Variants in GLIS3 observed in about 807,000 individuals in gnomAD.
GLIS3 encodes zinc finger protein GLIS3.
Under a neutral mutation model 78.6 loss-of-function variants are expected in GLIS3, and 53 were observed. That is an observed-to-expected ratio of 0.67 (90% confidence interval 0.54 to 0.85). The LOEUF is 0.85. Ranked by LOEUF, GLIS3 falls within the 40% of genes least tolerant of loss-of-function variation. The probability of loss-of-function intolerance (pLI) is 0.00; values close to 1 mark genes in which losing one functional copy is unlikely to be tolerated. For synonymous variants in GLIS3, 684 were observed against 509.9 expected (o/e 1.34, Z -4.60); for missense variants, 1,703 against 1,231.1 (o/e 1.38, Z -5.74).
chr9:4,177,613 C>T (rs879634133), intron 2 of GLIS3, among the ~76,000 whole-genome samples: 1 of 152,166 alleles, frequency 6.6e-6, no homozygotes, highest in Non-Finnish European at 1.5e-5. Context: ...TTGTTGATTT[C>T]TAAGATCTAT....
intron 4 of GLIS3, among the ~76,000 whole-genome samples, chr9:4,070,462 C>G (rs2130629545): frequency 6.6e-6 from 1 of 152,196 alleles, no homozygotes; most frequent in African/African-American, 2.4e-5. Context: ...AAAGTCTCCA[C>G]AGGAAGTGGT....
At chr9:4,246,997 T>C (rs1018427831) in intron 2 of GLIS3, among the ~76,000 whole-genome samples, 2 of 152,218 alleles carry the variant, frequency 1.3e-5, no homozygotes, top group African/African-American at 2.4e-5. Context: ...GAAAAGTGGT[T>C]GAATTGTCTG....
At position 4,118,313 on chromosome 9, in the gene GLIS3, C is replaced by T; in HGVS notation, c.1165G>A (p.Ala389Thr). The change falls in exon 4 of 11, where the codon GCC (alanine) becomes ACC (threonine). Residue 389 changes from alanine (A) to threonine (T), a missense_variant. Ala to Thr is a moderately conservative substitution (Grantham distance 58, BLOSUM62 0). Coordinates refer to ENST00000381971, the MANE Select transcript of GLIS3 (RefSeq NM_001042413.2). The surrounding 1 kb of genome is among the most constrained non-coding windows in gnomAD (Gnocchi z 4.7). ...TGTTGCATGCGCTCGTGCTCCAGGG[C>T]CCCGTCCTCGCCGTAGGCCGGCAGC... ...LALPAYGEDG[A>T]LEHERMQQLE... is the part of the protein sequence containing the mutation. The T allele has an allele frequency of 3.2e-6, 5 of 1,574,594 alleles. No individual in the cohort carries two copies. Among genetic ancestry groups the T allele is most frequent in the Non-Finnish European group, 4.3e-6 (5 of 1,162,696 alleles).
rs200422063 is a variant in GLIS3, at chr9:4,240,516, CA to C, written c.388+45521del. Among the ~76,000 whole-genome samples, 41 of 149,152 alleles carry C rather than the reference CA, an allele frequency of 2.7e-4. No individual in the cohort carries two copies. In the East Asian group the frequency reaches 6.2e-3, roughly 23 times the overall value. ...CGGTCCATTCCTGAGATTTTCTCTC[CA>C]AAAAAAAACTAGTAAAAATTATAAA... is the stretch of plus-strand genomic sequence containing the variant. On this transcript the variant is annotated intron_variant, in intron 2 of 10. Transcript: ENST00000381971.
At chr9:4,350,952 T>A (rs903686812), upstream of GLIS3, among the ~76,000 whole-genome samples, 4 of 152,230 alleles carry the variant, frequency 2.6e-5, no homozygotes, top group East Asian at 7.7e-4. Context: ...AAACCATTTG[T>A]GGCTCTTCTA....
At chr9:4,403,513 G>C in the GLIS3 span, among the ~76,000 whole-genome samples, 1 of 152,100 alleles carries the variant, frequency 6.6e-6, no homozygotes, top group African/African-American at 2.4e-5. Flanking sequence ...AACTTTTCAA[G>C]ACATAGACAG....
At chr9:4,077,068 T>C (rs1828134884) in intron 4 of GLIS3, among the ~76,000 whole-genome samples, 3 of 150,072 alleles carry the variant, frequency 2.0e-5, no homozygotes, top group Non-Finnish European at 4.4e-5. Context: ...AAAAAAACAA[T>C]AACAACGATG....
At chr9:4,373,634 GT>G in the GLIS3 span, among the ~76,000 whole-genome samples, 1 of 150,322 alleles carries the variant, frequency 6.7e-6, no homozygotes, top group Non-Finnish European at 1.5e-5. Flanking sequence ...AAATTAATGA[GT>G]TTTTGTTATC....
At chr9:3,852,907 A>G (rs958954200) in intron 9 of GLIS3, among the ~76,000 whole-genome samples, 2 of 152,186 alleles carry the variant, frequency 1.3e-5, no homozygotes, top group African/African-American at 4.8e-5. Flanking sequence ...TTTTTTAACA[A>G]TTAGAATGTG....
intron 5 of GLIS3, among the ~76,000 whole-genome samples, chr9:3,936,365 A>C (rs1472351910): frequency 6.6e-6 from 1 of 152,216 alleles, no homozygotes; most frequent in Non-Finnish European, 1.5e-5. Context: ...AAAATGTTGT[A>C]GCATTAAGGG....
At chr9:3,873,783 G>T (rs1231557686) in intron 8 of GLIS3, among the ~76,000 whole-genome samples, 2 of 152,150 alleles carry the variant, frequency 1.3e-5, no homozygotes, top group Non-Finnish European at 2.9e-5. Context: ...TGCTATATCT[G>T]AAATAATACA....
chr9:4,362,275 C>T, the GLIS3 span, among the ~76,000 whole-genome samples: 1 of 152,166 alleles, frequency 6.6e-6, no homozygotes. Flanking sequence ...TTTTTACCTA[C>T]TTTCCTTTCT....
chr9:4,118,822 G>A lies in GLIS3; in HGVS notation c.656C>T (p.Ser219Leu), dbSNP rs779788395. 3.1e-6 allele frequency: 5 copies of A among 1,607,534 alleles called. No homozygotes were observed. Among genetic ancestry groups the A allele is most frequent in the East Asian group, 2.2e-5 (1 of 44,862 alleles). The part of the protein sequence containing the change: ...STTLSLTESQ[S>L]ASSMKQEWSQ... ...CCACTCCTGCTTCATGCTTGAGGCC[G>A]ACTGACTTTCCGTCAGACTCAAGGT... is the stretch of plus-strand genomic sequence containing the variant. The change falls in exon 4 of 11, where the codon TCG becomes TTG. Residue 219 changes from serine to leucine, a missense_variant. Transcript: ENST00000381971. The surrounding 1 kb of genome is among the most constrained non-coding windows in gnomAD (Gnocchi z 4.7).
intron 8 of GLIS3, among the ~76,000 whole-genome samples, chr9:3,879,197 CTT>C (rs1360145680): frequency 2.6e-5 from 4 of 152,136 alleles, no homozygotes; most frequent in Non-Finnish European, 5.9e-5. Context: ...GCATCTGAAA[CTT>C]TGGCTGGCTA....
rs1004608610 is a variant in GLIS3, at chr9:4,059,829, TGAGAGAGA to T, written c.1710+57931_1710+57938del. The stretch of plus-strand genomic sequence containing the variant: ...TTGTGTGTGTGTGTGTGTGTGTGTG[TGAGAGAGA>T]GAGAGAGAGAGAGAGAGAGAGAGAG... On this transcript the variant is annotated intron_variant, in intron 4 of 10. Coordinates refer to ENST00000381971, the MANE Select transcript of GLIS3 (RefSeq NM_001042413.2). Among the ~76,000 whole-genome samples the T allele has an allele frequency of 7.3e-3, 732 of 100,704 alleles. 6 individuals carry two copies. Among genetic ancestry groups the T allele is most frequent in the African/African-American group, 0.017 (505 of 29,500 alleles). 66.1% of individuals were successfully genotyped at this position (100,704 alleles called of 152,430 possible).
At chr9:4,251,410 T>TA (rs1205058472) in intron 2 of GLIS3, among the ~76,000 whole-genome samples, 1 of 150,258 alleles carries the variant, frequency 6.7e-6, no homozygotes, top group Non-Finnish European at 1.5e-5. Context: ...TCTGTTTTAT[T>TA]AGAGACTAGG....
chr9:3,879,617 C>T (rs1821595256), intron 7 of GLIS3, 22 bp from the exon 8 acceptor site: 2 of 1,613,574 alleles, frequency 1.2e-6, no homozygotes, highest in Non-Finnish European at 1.7e-6. Context: ...GGAGAACAAA[C>T]ATGAGACCGT....
chr9:4,301,623 A>C (rs1817076903), upstream of GLIS3, among the ~76,000 whole-genome samples: 1 of 152,248 alleles, frequency 6.6e-6, no homozygotes, highest in South Asian at 2.1e-4. Flanking sequence ...CCCAGGAGCA[A>C]GACAAGCCTG....
chr9:4,166,904 G>A (rs929126911), intron 2 of GLIS3, among the ~76,000 whole-genome samples: 1 of 152,210 alleles, frequency 6.6e-6, no homozygotes, highest in Admixed American at 6.5e-5. Context: ...ATGAGAGGAA[G>A]GAAGGGGATA....
Sources: allele counts gnomAD v4.1 joint callset (sites outside exome capture counted in the v4.1 genomes callset), GRCh38; gene constraint gnomAD v4.1.1; non-coding constraint Gnocchi (gnomAD v3.1); transcripts MANE v1.5; gene names NCBI Gene and HGNC (gene_info 2026-07-23, HGNC 2026-07-21).